Variants in RASGRF2 observed in about 807,000 individuals in gnomAD.
RASGRF2 encodes ras-specific guanine nucleotide-releasing factor 2.
In RASGRF2, 76 loss-of-function variants were observed where a neutral mutation model predicts 151.0. The observed-to-expected ratio is 0.50, with a 90% CI of 0.42 to 0.61. The LOEUF (loss-of-function observed/expected upper bound fraction) is 0.61. Among genes scored for constraint, RASGRF2 ranks in the 20% least tolerant of loss-of-function variants. The pLI is 0.00. For synonymous variants in RASGRF2, 504 were observed against 566.5 expected (o/e 0.89, Z 1.57); for missense variants, 1,148 against 1,564.6 (o/e 0.73, Z 4.49).
chr5:81,089,182 T>C lies in RASGRF2; in HGVS notation c.1390+2229T>C, dbSNP rs369179478. On this transcript the variant is annotated intron_variant, in intron 9 of 26. Coordinates refer to ENST00000265080, the MANE Select transcript of RASGRF2 (RefSeq NM_006909.3). ...ACTTTTACATAGCACCCTTAACGAC[T>C]TTAAGACCCATTGAGGCGTTTTCAA... Among the ~76,000 whole-genome samples, 111 of 152,342 alleles carry C rather than the reference T, an allele frequency of 7.3e-4. 3 individuals are homozygous for C. In the South Asian group the frequency reaches 0.022, roughly 30 times the overall value.
intron 25 of RASGRF2, among the ~76,000 whole-genome samples, chr5:81,218,915 C>T (rs967915220): frequency 4.2e-4 from 64 of 152,156 alleles, no homozygotes; most frequent in African/African-American, 1.5e-3. Flanking sequence ...TTGTAGAGGT[C>T]TTTCGATTCC....
chr5:81,114,725 G>A (rs145849087), intron 15 of RASGRF2: 16 of 152,480 alleles, frequency 1.0e-4, no homozygotes, highest in African/African-American at 3.6e-4. Context: ...GGTCTTTCCT[G>A]CCCCAGGGTC....
chr5:80,979,870 A>G (rs891467496), intron 1 of RASGRF2, among the ~76,000 whole-genome samples: 7 of 152,194 alleles, frequency 4.6e-5, no homozygotes, highest in Admixed American at 4.6e-4. Context: ...GCTTGGAAAG[A>G]TGGCCGATGT....
intron 1 of RASGRF2, among the ~76,000 whole-genome samples, chr5:80,965,394 AT>A (rs1186014335): frequency 2.6e-5 from 4 of 152,142 alleles, no homozygotes; most frequent in Admixed American, 6.5e-5. Context: ...GAACAAAATA[AT>A]TTATTACTTA....
At chr5:80,961,158 CAGTGGCGG>C in intron 1 of RASGRF2, 132 bp downstream of exon 1, 1 of 1,050,060 alleles carries the variant, frequency 9.5e-7, no homozygotes, top group Middle Eastern at 3.3e-4. Flanking sequence ...CCCGCGTCAC[CAGTGGCGG>C]GACATCTCCA....
chr5:81,074,789 G>T (rs1484264964), intron 5 of RASGRF2, among the ~76,000 whole-genome samples: 3 of 152,154 alleles, frequency 2.0e-5, no homozygotes, highest in Non-Finnish European at 2.9e-5. Flanking sequence ...TCGAGCAAAG[G>T]CTTGAAGTTC....
At chr5:81,192,975 T>G (rs1255112065) in intron 18 of RASGRF2, among the ~76,000 whole-genome samples, 3 of 152,234 alleles carry the variant, frequency 2.0e-5, no homozygotes, top group African/African-American at 7.2e-5. Flanking sequence ...CAACACATCC[T>G]GAGTCCTTCT....
chr5:80,969,510 G>A (rs202054892), intron 1 of RASGRF2, among the ~76,000 whole-genome samples: 12 of 149,800 alleles, frequency 8.0e-5, no homozygotes, highest in Middle Eastern at 3.5e-3. Context: ...GTGCAGTGGC[G>A]CGATCTTGGC....
chr5:81,199,394 G>A (rs530662278), intron 18 of RASGRF2, among the ~76,000 whole-genome samples: 1 of 152,220 alleles, frequency 6.6e-6, no homozygotes, highest in Non-Finnish European at 1.5e-5. Flanking sequence ...GACATATGAT[G>A]TTGGTTTCTT....
At chr5:80,988,060 T>C (rs1748534256) in intron 1 of RASGRF2, among the ~76,000 whole-genome samples, 1 of 151,204 alleles carries the variant, frequency 6.6e-6, no homozygotes, top group Non-Finnish European at 1.5e-5. Context: ...TGTAGTCTTC[T>C]TCTTCTTTAA....
intron 20 of RASGRF2, 44 bp from the exon 21 acceptor site, chr5:81,207,202 C>A (rs373643650): frequency 3.5e-5 from 53 of 1,510,010 alleles, no homozygotes; most frequent in Non-Finnish European, 4.8e-5. Flanking sequence ...AGATGGCAGG[C>A]GCCCTCTCCT....
At chr5:81,207,902 C>T (rs1158456332) in intron 21 of RASGRF2, among the ~76,000 whole-genome samples, 1 of 152,248 alleles carries the variant, frequency 6.6e-6, no homozygotes, top group Non-Finnish European at 1.5e-5. Flanking sequence ...GAATGGCAGG[C>T]AGCGCAGAGT....
At chr5:81,112,516 T>C in intron 13 of RASGRF2, 94 bp from the exon 14 acceptor site, 2 of 1,523,866 alleles carry the variant, frequency 1.3e-6, no homozygotes, top group Non-Finnish European at 1.8e-6. Context: ...AGAAGCCCAC[T>C]CCTGAGTGTG....
chr5:81,025,011 T>C (rs551894827), intron 1 of RASGRF2, among the ~76,000 whole-genome samples: 56 of 152,310 alleles, frequency 3.7e-4, no homozygotes, highest in African/African-American at 1.3e-3. Flanking sequence ...TTCCTCTGTG[T>C]GTGGTCTGAG....
At chr5:80,982,649 G>A (rs780202047) in intron 1 of RASGRF2, among the ~76,000 whole-genome samples, 6 of 147,330 alleles carry the variant, frequency 4.1e-5, no homozygotes, top group Non-Finnish European at 9.0e-5. Flanking sequence ...TGCCCAGGCT[G>A]GAGTGCAGTG....
At chr5:81,161,862 T>C (rs1754391669) in intron 17 of RASGRF2, among the ~76,000 whole-genome samples, 1 of 152,086 alleles carries the variant, frequency 6.6e-6, no homozygotes, top group Non-Finnish European at 1.5e-5. Flanking sequence ...TTGTCCTGTA[T>C]GCATTATCAT....
chr5:81,030,943 G>A (rs550598283), intron 1 of RASGRF2, among the ~76,000 whole-genome samples: 118 of 152,236 alleles, frequency 7.8e-4, no homozygotes, highest in African/African-American at 2.7e-3. Context: ...CAAAATAAAG[G>A]GATGGAGGAA....
intron 22 of RASGRF2, among the ~76,000 whole-genome samples, chr5:81,209,779 C>T (rs991830027): frequency 6.6e-6 from 1 of 152,158 alleles, no homozygotes; most frequent in Non-Finnish European, 1.5e-5. Context: ...TCTGCTGGGA[C>T]GACTGCTACA....
At chr5:81,080,573 C>A (rs950144819) in intron 6 of RASGRF2, 23 bp from the exon 7 acceptor site, 2 of 1,595,024 alleles carry the variant, frequency 1.3e-6, no homozygotes, top group African/African-American at 2.7e-5. Context: ...AGGGAAACAG[C>A]CGTGTTTACT....
Sources: allele counts gnomAD v4.1 joint callset (sites outside exome capture counted in the v4.1 genomes callset), GRCh38; gene constraint gnomAD v4.1.1; transcripts MANE v1.5; gene names NCBI Gene and HGNC (gene_info 2026-07-23, HGNC 2026-07-21).